IRGM: variants seen among roughly 807,000 people sequenced by gnomAD.
The protein encoded by IRGM is immunity-related GTPase family M protein.
For missense variants in IRGM, 288 were observed against 219.9 expected (o/e 1.31, Z -1.96); for synonymous variants, 98 against 80.6 (o/e 1.22, Z -1.16).
intron 3 of IRGM, chr5:150,898,014 C>A: frequency 3.2e-6 from 5 of 1,585,674 alleles, no homozygotes; most frequent in Non-Finnish European, 3.4e-6. Context: ...GAAACATAAA[C>A]CTCAGGCACC....
chr5:150,888,172 A>G (rs2113296819), intron 3 of IRGM, among the ~76,000 whole-genome samples: 1 of 152,226 alleles, frequency 6.6e-6, no homozygotes, highest in Non-Finnish European at 1.5e-5. Context: ...AAAAACAAAC[A>G]AACAAACGAA....
At chr5:150,869,810 C>A (rs1754257178) in intron 1 of IRGM, among the ~76,000 whole-genome samples, 1 of 152,146 alleles carries the variant, frequency 6.6e-6, no homozygotes, top group Non-Finnish European at 1.5e-5. Context: ...TGCCAAACGA[C>A]CACAGAAGGG....
intron 1 of IRGM, among the ~76,000 whole-genome samples, chr5:150,868,097 G>A (rs1384871676): frequency 1.3e-5 from 2 of 152,020 alleles, no homozygotes; most frequent in African/African-American, 2.4e-5. Flanking sequence ...GAATTTTTAT[G>A]TTTTCAGGTC....
At chr5:150,895,900 T>C (rs1457968501) in intron 3 of IRGM, 23 of 1,613,454 alleles carry the variant, frequency 1.4e-5, no homozygotes, top group Non-Finnish European at 1.9e-5. Context: ...GTCTTCCTGC[T>C]GAAGGCTTCC....
intron 1 of IRGM, among the ~76,000 whole-genome samples, chr5:150,870,269 A>T (rs1344378318): frequency 3.3e-5 from 5 of 152,098 alleles, no homozygotes; most frequent in Non-Finnish European, 5.9e-5. Flanking sequence ...AAACTTTCTA[A>T]ATTAACTGAG....
At chr5:150,876,872 G>A (rs1303598939) in intron 1 of IRGM, among the ~76,000 whole-genome samples, 2 of 152,194 alleles carry the variant, frequency 1.3e-5, no homozygotes, top group African/African-American at 2.4e-5. Context: ...ATTGTCATGA[G>A]TATTTCCTCC....
chr5:150,865,470 A>G (rs1896709), intron 1 of IRGM, among the ~76,000 whole-genome samples: 31,220 of 152,170 alleles, frequency 0.21, 5,107 homozygotes, highest in African/African-American at 0.44. Flanking sequence ...TATAGCAGAT[A>G]TAGATTTTAA....
chr5:150,893,691 T>C (rs1181637281), intron 3 of IRGM, among the ~76,000 whole-genome samples: 1 of 152,150 alleles, frequency 6.6e-6, no homozygotes, highest in Non-Finnish European at 1.5e-5. Flanking sequence ...AAACTAGGTA[T>C]CTGCCATTTA....
intron 3 of IRGM, chr5:150,894,815 G>T (rs1754696940): frequency 6.6e-6 from 1 of 152,290 alleles, no homozygotes; most frequent in Non-Finnish European, 1.5e-5. Context: ...TCCCAGTTGG[G>T]AAGAGTAAAA....
intron 3 of IRGM, among the ~76,000 whole-genome samples, chr5:150,899,464 C>G (rs947369980): frequency 6.6e-6 from 1 of 151,804 alleles, no homozygotes; most frequent in Non-Finnish European, 1.5e-5. Flanking sequence ...AATGTCAGAG[C>G]TCTAGAAGAT....
At chr5:150,864,221 C>G (rs1247014508) in intron 1 of IRGM, among the ~76,000 whole-genome samples, 2 of 152,168 alleles carry the variant, frequency 1.3e-5, no homozygotes, top group Non-Finnish European at 2.9e-5. Flanking sequence ...CTGCTCTGGC[C>G]AGCCAGACGC....
intron 1 of IRGM, among the ~76,000 whole-genome samples, chr5:150,874,772 A>G (rs914569837): frequency 6.6e-6 from 1 of 152,222 alleles, no homozygotes; most frequent in African/African-American, 2.4e-5. Context: ...GCAGGCCCTC[A>G]TAAGTGAATC....
At chr5:150,879,029 C>T (rs988190956) in intron 2 of IRGM, among the ~76,000 whole-genome samples, 1 of 152,088 alleles carries the variant, frequency 6.6e-6, no homozygotes, top group Non-Finnish European at 1.5e-5. Context: ...GGTTAAAACA[C>T]CTAGTAATTA....
chr5:150,898,948 G>A (rs1442534017), intron 3 of IRGM, among the ~76,000 whole-genome samples: 4 of 152,004 alleles, frequency 2.6e-5, no homozygotes, highest in African/African-American at 9.7e-5. Flanking sequence ...ATATGACTTG[G>A]AAACAGGGTC....
At chr5:150,881,148 C>T (rs889799725) in intron 3 of IRGM, among the ~76,000 whole-genome samples, 2 of 151,164 alleles carry the variant, frequency 1.3e-5, no homozygotes, top group Non-Finnish European at 1.5e-5. Context: ...AAAATAGCTT[C>T]GATTTTTAAA....
chr5:150,887,736 A>T (rs1754547855), intron 3 of IRGM, among the ~76,000 whole-genome samples: 1 of 151,904 alleles, frequency 6.6e-6, no homozygotes, highest in African/African-American at 2.4e-5. Context: ...TCATCAGGCT[A>T]ACAGTGGACC....
In IRGM at chr5:150,876,737, G is replaced by A. The variant is rs372228430; in HGVS notation, c.159-1243G>A. 5.3e-5 allele frequency among the ~76,000 whole-genome samples: 8 copies of A among 152,152 alleles called. No homozygotes were observed. The South Asian group carries it at 1.2e-3, about 24-fold the overall frequency. On this transcript the variant is annotated intron_variant and NMD_transcript_variant, in intron 1 of 3. Coordinates refer to the IRGM transcript ENST00000520549. ...AATGAAGGTTTGGGTCACTCCACCA[G>A]GTAAAAAACCACGACCTGCTGAGGT...
intron 1 of IRGM, 167 bp from the exon 2 acceptor site, chr5:150,847,542 T>G (rs1753887472): frequency 6.5e-6 from 1 of 152,924 alleles, no homozygotes; most frequent in Non-Finnish European, 1.5e-5. Flanking sequence ...GGACCCTACC[T>G]TTCTTGCTCC....
chr5:150,857,229 G>A (rs1435585741), intron 1 of IRGM, among the ~76,000 whole-genome samples: 3 of 152,008 alleles, frequency 2.0e-5, no homozygotes, highest in Non-Finnish European at 4.4e-5. Flanking sequence ...ATGGTTTCCA[G>A]TTTCATCCAT....
Sources: gnomAD v4.1 joint callset for allele counts (sites outside exome capture counted in the v4.1 genomes callset) on GRCh38, gnomAD v4.1.1 for gene constraint, MANE v1.5 for transcripts, NCBI Gene and HGNC (gene_info 2026-07-23, HGNC 2026-07-21) for gene names.